The following NLGN1 variants were observed in gnomAD, a reference collection of about 807,000 sequenced individuals.
NLGN1 encodes neuroligin 1.
In NLGN1, 12 loss-of-function variants were observed where a neutral mutation model predicts 65.5. That is an observed-to-expected ratio of 0.18 (90% CI 0.12 to 0.30). The LOEUF is 0.30. Ranked by LOEUF, NLGN1 falls within the 10% of genes least tolerant of loss-of-function variation. The pLI is 1.00. For synonymous variants in NLGN1, 350 were observed against 359.5 expected, an observed-to-expected ratio of 0.97 and a Z score of 0.30; for missense variants, 750 against 1,007.1, an observed-to-expected ratio of 0.74 and a Z score of 3.46.
At chr3:173,630,619 C>A (rs1485401887) in intron 3 of NLGN1, among the ~76,000 whole-genome samples, 1 of 151,748 alleles carries the variant, frequency 6.6e-6, no homozygotes, top group African/African-American at 2.4e-5. Flanking sequence ...TTAATAGTAT[C>A]ATCCTTCAAA....
At chr3:173,924,880 A>T (rs1217010052) in intron 4 of NLGN1, among the ~76,000 whole-genome samples, 3 of 152,122 alleles carry the variant, frequency 2.0e-5, no homozygotes, top group African/African-American at 7.2e-5. Flanking sequence ...TATTTTGAAA[A>T]TGAAATATTT....
chr3:174,049,342 G>C (rs1211863241), intron 4 of NLGN1, among the ~76,000 whole-genome samples: 2 of 152,094 alleles, frequency 1.3e-5, no homozygotes, highest in African/African-American at 4.8e-5. Context: ...TTTTGAGCCA[G>C]TAAGTGGCAT....
chr3:174,116,663 A>G (rs963028200), intron 4 of NLGN1, among the ~76,000 whole-genome samples: 1 of 152,054 alleles, frequency 6.6e-6, no homozygotes, highest in African/African-American at 2.4e-5. Context: ...TAGAACTCAT[A>G]GACTAAGATA....
intron 3 of NLGN1, among the ~76,000 whole-genome samples, chr3:173,630,579 TC>T (rs1398734421): frequency 1.3e-5 from 2 of 152,168 alleles, no homozygotes; most frequent in South Asian, 2.1e-4. Flanking sequence ...CACTTTTTTT[TC>T]AGTCATCTAT....
intron 4 of NLGN1, among the ~76,000 whole-genome samples, chr3:173,930,551 A>G (rs1743905701): frequency 6.6e-6 from 1 of 152,210 alleles, no homozygotes; most frequent in Non-Finnish European, 1.5e-5. Flanking sequence ...CAAGTAGGTG[A>G]AAAGCTATTT....
chr3:173,877,459 C>T (rs1400626992), intron 4 of NLGN1, among the ~76,000 whole-genome samples: 1 of 151,570 alleles, frequency 6.6e-6, no homozygotes. Context: ...AATGCAGGGT[C>T]CCAGATTAAA....
chr3:174,244,388 A>G (rs1213901757), intron 4 of NLGN1, among the ~76,000 whole-genome samples: 1 of 152,198 alleles, frequency 6.6e-6, no homozygotes, highest in Non-Finnish European at 1.5e-5. Flanking sequence ...TTGGGAAAAC[A>G]GTAATTAAGA....
rs1718876232 is a variant in NLGN1 at position 173,981,944 on chromosome 3, G to C, written c.646+174112G>C. On this transcript the variant is annotated intron_variant, in intron 4 of 6. Transcript: ENST00000457714. ...TTCTTCAAGTGAAATGATTTTAACA[G>C]CTGATATTTTTTATTATATTTATGA... Among the ~76,000 whole-genome samples the C allele has an allele frequency of 5.3e-5, 8 of 152,058 alleles. No homozygotes were observed. In the South Asian group the frequency reaches 1.7e-3, roughly 32 times the overall value.
rs144564463 is a variant in NLGN1, at chr3:173,646,436, C to T, written c.493+41345C>T. On this transcript the variant is annotated intron_variant, in intron 3 of 6. Coordinates refer to ENST00000457714, the Ensembl canonical transcript of NLGN1. ...ATTGGTTATAGTCCTGTGTGTGTGT[C>T]ACACACTGTTCACTTTAATTCTTTT... is the stretch of plus-strand genomic sequence containing the variant. 5.3e-5 allele frequency among the ~76,000 whole-genome samples: 8 copies of T among 152,306 alleles called. No individual in the cohort carries two copies. The East Asian group carries it at 5.8e-4, about 11-fold the overall frequency.
chr3:173,896,698 AT>A (rs1172124818), intron 4 of NLGN1, among the ~76,000 whole-genome samples: 1 of 152,056 alleles, frequency 6.6e-6, no homozygotes, highest in African/African-American at 2.4e-5. Context: ...CACAGTTCTC[AT>A]TCATACCATA....
chr3:174,117,177 T>A (rs1360491246), intron 4 of NLGN1, among the ~76,000 whole-genome samples: 5 of 151,888 alleles, frequency 3.3e-5, no homozygotes, highest in African/African-American at 1.2e-4. Flanking sequence ...TTTGCTATCA[T>A]TCCCTTCAAT....
chr3:173,574,607 T>C lies in NLGN1; in HGVS notation c.-320-29672T>C, dbSNP rs898005630. Among the ~76,000 whole-genome samples the C allele has an allele frequency of 1.4e-4, 21 of 152,250 alleles. No homozygotes were observed. The East Asian group carries it at 3.5e-3, about 25-fold the overall frequency. ...ACTAAAGTCTCATTCCTATTTCCCA[T>C]GAAACTAACATACTTAATGGACAAG... is the stretch of plus-strand genomic sequence containing the variant. On this transcript the variant is annotated intron_variant, in intron 2 of 6. Transcript: ENST00000457714.
intron 4 of NLGN1, among the ~76,000 whole-genome samples, chr3:173,808,444 T>C (rs1717141932): frequency 6.6e-6 from 1 of 152,200 alleles, no homozygotes; most frequent in South Asian, 2.1e-4. Flanking sequence ...TGGAGATTTT[T>C]AGCTTTGATA....
At chr3:173,612,070 A>G (rs994891342) in intron 3 of NLGN1, among the ~76,000 whole-genome samples, 1 of 151,972 alleles carries the variant, frequency 6.6e-6, no homozygotes, top group Admixed American at 6.6e-5. Context: ...CTGGTCTTTA[A>G]TATCTCTCCT....
intron 2 of NLGN1, among the ~76,000 whole-genome samples, chr3:173,600,110 G>A (rs1750189291): frequency 6.6e-6 from 1 of 151,766 alleles, no homozygotes; most frequent in Non-Finnish European, 1.5e-5. Flanking sequence ...TCTACTAGTT[G>A]CAAGCATTAA....
Position 173,616,060 on chromosome 3 carries a change from G to A in NLGN1, c.493+10969G>A, listed in dbSNP as rs141574355. On this transcript the variant is annotated intron_variant, in intron 3 of 6. Transcript: ENST00000457714. ...TGTAGTAAGCACCCTGAGGAAAGGA[G>A]GCAAGGGGCATTGAGGGAACACACA... 3.3e-5 allele frequency among the ~76,000 whole-genome samples: 5 copies of A among 151,962 alleles called. No homozygotes were observed. The East Asian group carries it at 9.7e-4, about 30-fold the overall frequency.
At chr3:173,807,909 T>C (rs181083932) in intron 4 of NLGN1, 77 bp downstream of exon 4, 2 of 1,451,430 alleles carry the variant, frequency 1.4e-6, no homozygotes, top group Non-Finnish European at 1.9e-6. Context: ...TGTTTTGTTC[T>C]GCTTTGCTTT....
At chr3:173,601,511 T>C (rs1010283134) in intron 2 of NLGN1, among the ~76,000 whole-genome samples, 1 of 151,890 alleles carries the variant, frequency 6.6e-6, no homozygotes, top group African/African-American at 2.4e-5. Flanking sequence ...GTATTTGCTG[T>C]ACCTAATTTT....
At chr3:173,598,029 T>G (rs1268946440) in intron 2 of NLGN1, among the ~76,000 whole-genome samples, 1 of 152,178 alleles carries the variant, frequency 6.6e-6, no homozygotes, top group African/African-American at 2.4e-5. Context: ...AGAAATTTCA[T>G]TTTGCCTTTT....
Sources: allele counts gnomAD v4.1 joint callset (sites outside exome capture counted in the v4.1 genomes callset), GRCh38; gene constraint gnomAD v4.1.1; transcripts MANE v1.5; gene names NCBI Gene and HGNC (gene_info 2026-07-23, HGNC 2026-07-21).